The following TBC1D22A variants were observed in gnomAD, a reference collection of about 807,000 sequenced individuals.
TBC1D22A encodes putative GTPase activator.
Under a neutral mutation model 60.2 loss-of-function variants are expected in TBC1D22A, and 38 were observed. That is an observed-to-expected ratio of 0.63 (90% CI 0.49 to 0.83). The LOEUF (loss-of-function observed/expected upper bound fraction) is 0.83. TBC1D22A is among the 40% of genes least tolerant of loss of function. The pLI is 0.00. For missense variants in TBC1D22A, 628 were observed against 701.0 expected (o/e 0.90, Z 1.18); for synonymous variants, 302 against 281.7 (o/e 1.07, Z -0.72).
chr22:47,131,546 G>T (rs376604531), intron 12 of TBC1D22A, among the ~76,000 whole-genome samples: 2 of 151,936 alleles, frequency 1.3e-5, no homozygotes, highest in Non-Finnish European at 2.9e-5. Context: ...GACTCCATGT[G>T]GGGGCAACAA....
chr22:46,991,702 C>G (rs1456473049), intron 9 of TBC1D22A, among the ~76,000 whole-genome samples: 1 of 152,192 alleles, frequency 6.6e-6, no homozygotes, highest in Non-Finnish European at 1.5e-5. Flanking sequence ...CTGCAGTGGC[C>G]TCCATTTGCA....
At chr22:46,867,914 C>T (rs2067131337) in intron 4 of TBC1D22A, among the ~76,000 whole-genome samples, 1 of 152,202 alleles carries the variant, frequency 6.6e-6, no homozygotes, top group African/African-American at 2.4e-5. Flanking sequence ...GCTTCCTGGT[C>T]CCTCAGCTGC....
At chr22:46,831,699 C>A (rs1446099631) in intron 4 of TBC1D22A, among the ~76,000 whole-genome samples, 1 of 152,068 alleles carries the variant, frequency 6.6e-6, no homozygotes, top group Admixed American at 6.5e-5. Flanking sequence ...CGGGCTCTGG[C>A]AGAAGGCTAT....
At chr22:47,147,096 C>T (rs2067311582) in intron 12 of TBC1D22A, among the ~76,000 whole-genome samples, 1 of 152,220 alleles carries the variant, frequency 6.6e-6, no homozygotes, top group Admixed American at 6.5e-5. Flanking sequence ...AGCCTGAGTC[C>T]AGAAGGGCGA....
chr22:47,032,808 C>T (rs1183443756), intron 10 of TBC1D22A, among the ~76,000 whole-genome samples: 1 of 152,218 alleles, frequency 6.6e-6, no homozygotes, highest in African/African-American at 2.4e-5. Context: ...CCACTTGCTG[C>T]AGCCCAGACG....
At chr22:46,779,061 A>G (rs550855903) in intron 1 of TBC1D22A, among the ~76,000 whole-genome samples, 11 of 152,370 alleles carry the variant, frequency 7.2e-5, no homozygotes, top group South Asian at 4.1e-4. Flanking sequence ...AAAAACAAGT[A>G]TAATACAATT....
intron 11 of TBC1D22A, among the ~76,000 whole-genome samples, chr22:47,080,746 T>A (rs927029150): frequency 6.7e-6 from 1 of 150,336 alleles, no homozygotes; most frequent in East Asian, 2.0e-4. Flanking sequence ...GGGAAGGAAA[T>A]GAAAATGAAA....
intron 11 of TBC1D22A, among the ~76,000 whole-genome samples, chr22:47,089,485 A>T (rs1056446862): frequency 6.6e-6 from 1 of 152,238 alleles, no homozygotes; most frequent in Non-Finnish European, 1.5e-5. Flanking sequence ...ATGGTTTTAC[A>T]CATCACACCA....
chr22:46,957,725 A>G (rs136086), intron 8 of TBC1D22A, among the ~76,000 whole-genome samples: 50,088 of 152,174 alleles, frequency 0.33, 9,740 homozygotes, highest in African/African-American at 0.55. Context: ...TTCCAGCGCC[A>G]GAGACGCCAT....
At chr22:47,078,379 A>G (rs1005597612) in intron 11 of TBC1D22A, among the ~76,000 whole-genome samples, 1 of 152,196 alleles carries the variant, frequency 6.6e-6, no homozygotes, top group African/African-American at 2.4e-5. Context: ...GAGAATTGCA[A>G]TCGTGTATGC....
intron 10 of TBC1D22A, among the ~76,000 whole-genome samples, chr22:47,029,186 C>G (rs2062368958): frequency 6.7e-6 from 1 of 148,328 alleles, no homozygotes; most frequent in African/African-American, 2.5e-5. Flanking sequence ...CATACCCCTC[C>G]CCATGGGGCC....
At chr22:46,999,399 G>A (rs569951321) in intron 10 of TBC1D22A, among the ~76,000 whole-genome samples, 3 of 152,188 alleles carry the variant, frequency 2.0e-5, no homozygotes, top group Non-Finnish European at 2.9e-5. Flanking sequence ...GTGTGTTGCC[G>A]TTGAGAGGTT....
At chr22:47,131,918 C>T (rs949505060) in intron 12 of TBC1D22A, among the ~76,000 whole-genome samples, 1 of 152,214 alleles carries the variant, frequency 6.6e-6, no homozygotes, top group Non-Finnish European at 1.5e-5. Flanking sequence ...TGGAGCCACT[C>T]GAGTTCGTGG....
At chr22:47,002,025 A>G (rs1285321566) in intron 10 of TBC1D22A, among the ~76,000 whole-genome samples, 3 of 152,184 alleles carry the variant, frequency 2.0e-5, no homozygotes, top group Non-Finnish European at 4.4e-5. Context: ...TGTGTTCTCA[A>G]TATTTCTATT....
At chr22:46,920,623 T>G (rs1249864723) in intron 8 of TBC1D22A, among the ~76,000 whole-genome samples, 1 of 152,206 alleles carries the variant, frequency 6.6e-6, no homozygotes, top group Non-Finnish European at 1.5e-5. Context: ...TGTCATGCTT[T>G]GCACAGAGAA....
In TBC1D22A at chr22:47,028,065, G is replaced by A. The variant is rs2062320779; in HGVS notation, c.1202-9006G>A. On this transcript the variant is annotated intron_variant, in intron 10 of 12. Transcript: ENST00000337137. This position sits in a 1 kb window ranked among gnomAD's most constrained non-coding sequence, Gnocchi z 4.4. Reference sequence around the variant, plus strand: ...ATATGGAAATGACCCTGTTTTGGAGGGGTGTGCTGAGTAGCTCGTGTGCAC... The same window carrying A: ...ATATGGAAATGACCCTGTTTTGGAGAGGTGTGCTGAGTAGCTCGTGTGCAC... 6.6e-6 allele frequency among the ~76,000 whole-genome samples: 1 copy of A among 152,184 alleles called. No individual in the cohort carries two copies. The highest frequency in any genetic ancestry group is 2.1e-4 in the South Asian group (1 of 4,824).
intron 7 of TBC1D22A, among the ~76,000 whole-genome samples, chr22:46,903,623 GC>G (rs1866637664): frequency 6.6e-6 from 1 of 152,136 alleles, no homozygotes; most frequent in Non-Finnish European, 1.5e-5. Context: ...AGTCTGAGAG[GC>G]CCCCTCAATG....
At chr22:46,903,551 A>C (rs116266548) in intron 7 of TBC1D22A, among the ~76,000 whole-genome samples, 2,065 of 152,274 alleles carry the variant, frequency 0.014, 44 homozygotes, top group African/African-American at 0.047. Flanking sequence ...GCGTGAGTCT[A>C]GAGGGACCAG....
At chr22:47,138,640 T>C (rs1351145678) in intron 12 of TBC1D22A, among the ~76,000 whole-genome samples, 2 of 152,254 alleles carry the variant, frequency 1.3e-5, no homozygotes, top group African/African-American at 4.8e-5. Flanking sequence ...CTGCGTGCTT[T>C]GCAATTGACA....
Sources: allele counts gnomAD v4.1 joint callset (sites outside exome capture counted in the v4.1 genomes callset), GRCh38; gene constraint gnomAD v4.1.1; non-coding constraint Gnocchi (gnomAD v3.1); transcripts MANE v1.5; gene names NCBI Gene and HGNC (gene_info 2026-07-23, HGNC 2026-07-21).